The following IL12RB1 variants were observed in gnomAD, a reference collection of about 807,000 sequenced individuals.
IL12RB1 encodes interleukin-12 receptor subunit beta-1.
Under a neutral mutation model 94.4 loss-of-function variants are expected in IL12RB1, and 64 were observed. The ratio of observed to expected loss-of-function variants is 0.68; its 90% CI spans 0.55 to 0.83. The LOEUF (loss-of-function observed/expected upper bound fraction) is 0.83, where lower values mean the gene tolerates loss of function less well. Ranked by LOEUF, IL12RB1 falls within the 40% of genes least tolerant of loss-of-function variation. IL12RB1 has a pLI of 0.00. For synonymous variants in IL12RB1, 362 were observed against 355.5 expected (o/e 1.02, Z -0.21); for missense variants, 814 against 855.6 (o/e 0.95, Z 0.61).
chr19:18,062,395 G>A (rs1343893080), intron 13 of IL12RB1, 118 bp from the exon 14 acceptor site: 7 of 618,806 alleles, frequency 1.1e-5, no homozygotes, highest in East Asian at 2.8e-5. Flanking sequence ...ACATGCCACG[G>A]GCTTCTCACT....
rs1270850388 is a variant in IL12RB1, at chr19:18,066,598, C to T, written c.1427G>A (p.Gly476Asp). The change falls in exon 12 of 17, where the codon GGC (glycine) becomes GAC (aspartate). Residue 476 changes from glycine (G) to aspartate (D), a missense_variant. Gly to Asp is a moderately conservative substitution (Grantham distance 94, BLOSUM62 -1). Coordinates refer to ENST00000593993, the MANE Select transcript of IL12RB1 (RefSeq NM_005535.3). ...WAPSLLSTCPGVLKEYVVRCR... is the reference protein window; with the variant it reads ...WAPSLLSTCPDVLKEYVVRCR... The stretch of plus-strand genomic sequence containing the variant: ...GCGGACAACATACTCCTTTAGGACG[C>T]CGGGACAGGTGCTCAGCAGGGATGG... 1.2e-6 allele frequency: 2 copies of T among 1,613,622 alleles called. No homozygotes were observed. The highest frequency in any genetic ancestry group is 2.2e-5 in the East Asian group (1 of 44,878).
At position 18,075,766 on chromosome 19, in the gene IL12RB1, G is replaced by A; in HGVS notation, c.683C>T (p.Pro228Leu). 6.2e-7 allele frequency: 1 copy of A among 1,612,952 alleles called. No homozygotes were observed. Reference sequence around the variant, plus strand: ...GATCTTACCAGGGGGAACGCACACGGGGCTGCTCCACTTGCTCCAGGAACT... The same window carrying A: ...GATCTTACCAGGGGGAACGCACACGAGGCTGCTCCACTTGCTCCAGGAACT... ...QGSSWSKWSSPVCVPPENPPQ... is the reference protein window; with the variant it reads ...QGSSWSKWSSLVCVPPENPPQ... Residue 228 changes from proline to leucine, a missense_variant, in exon 7 of 17, where the codon CCC (proline) becomes CTC (leucine). Transcript: ENST00000593993.
intron 6 of IL12RB1, 119 bp from the exon 7 acceptor site, chr19:18,075,987 G>C: frequency 3.0e-6 from 3 of 998,586 alleles, no homozygotes; most frequent in Non-Finnish European, 4.8e-6. Context: ...GCTGGGTCCT[G>C]GGGGCTCAGC....
intron 1 of IL12RB1, chr19:18,097,744 A>G (rs1305725099): frequency 2.7e-6 from 3 of 1,122,380 alleles, no homozygotes; most frequent in Non-Finnish European, 3.3e-6. Context: ...GGGGCCTGGC[A>G]GGCCGGGGCG....
At chr19:18,082,303 C>T in intron 2 of IL12RB1, 39 bp from the exon 3 acceptor site, 1 of 1,215,514 alleles carries the variant, frequency 8.2e-7, no homozygotes, top group Non-Finnish European at 1.2e-6. Context: ...AGACCAGAGT[C>T]TGGAGGGGTC....
At chr19:18,081,912 G>A (rs972196719) in intron 3 of IL12RB1, among the ~76,000 whole-genome samples, 3 of 152,008 alleles carry the variant, frequency 2.0e-5, no homozygotes, top group African/African-American at 7.3e-5. Flanking sequence ...AAGTGAAAGG[G>A]TGAAGAAGAA....
At chr19:18,092,551 T>A (rs2036678128) in intron 1 of IL12RB1, among the ~76,000 whole-genome samples, 1 of 151,796 alleles carries the variant, frequency 6.6e-6, no homozygotes. Flanking sequence ...GCGCCTGTAA[T>A]CCTAGCTACT....
upstream of IL12RB1, among the ~76,000 whole-genome samples, chr19:18,088,565 T>TA (rs778266743): frequency 0.038 from 4,891 of 129,608 alleles, 162 homozygotes; most frequent in African/African-American, 0.095. Context: ...TCCTGTCTCT[T>TA]AAAAAAAAAA....
intron 7 of IL12RB1, among the ~76,000 whole-genome samples, chr19:18,075,268 T>TTA (rs1555784049): frequency 6.9e-6 from 1 of 145,198 alleles, no homozygotes; most frequent in Non-Finnish European, 1.5e-5. Context: ...TTTTTTTTTT[T>TTA]ACTTTTTTTT....
Position 18,059,523 on chromosome 19 carries a change from C to G in IL12RB1, c.*85G>C. 1.3e-6 allele frequency: 1 copy of G among 757,206 alleles called. No individual in the cohort carries two copies. Among genetic ancestry groups the G allele is most frequent in the South Asian group, 1.4e-5 (1 of 71,488 alleles). The allele number at this position is 757,206 out of a possible 1,614,324, so 46.9% of individuals were successfully genotyped here. A position where few individuals can be genotyped will look rare whatever the true frequency, so the allele number is the denominator to read the frequency against. On this transcript the variant is annotated 3_prime_UTR_variant, in exon 17 of 17. Transcript: ENST00000593993. ...GCAGGTGCACTGGAGCCTGGAGGAGCTCTGGGTTATTTGGGTCCAAATGTG... is the reference window on the plus strand; with the variant it reads ...GCAGGTGCACTGGAGCCTGGAGGAGGTCTGGGTTATTTGGGTCCAAATGTG...
At chr19:18,074,058 T>C (rs925968714) in intron 7 of IL12RB1, among the ~76,000 whole-genome samples, 2 of 152,188 alleles carry the variant, frequency 1.3e-5, no homozygotes, top group Non-Finnish European at 2.9e-5. Flanking sequence ...CTCCTGACCT[T>C]GTGATCCACT....
At chr19:18,094,800 C>G (rs999749504) in intron 1 of IL12RB1, among the ~76,000 whole-genome samples, 1 of 150,510 alleles carries the variant, frequency 6.6e-6, no homozygotes, top group Non-Finnish European at 1.5e-5. Flanking sequence ...TGTCCCAAAA[C>G]AAAACAAAAC....
intron 10 of IL12RB1, among the ~76,000 whole-genome samples, chr19:18,068,945 T>C (rs1036371326): frequency 4.6e-5 from 7 of 152,202 alleles, no homozygotes; most frequent in Non-Finnish European, 8.8e-5. Context: ...AGACAGGGTT[T>C]CTCCATGTTG....
In IL12RB1 at chr19:18,083,424, C is replaced by A; in HGVS notation, c.124+8G>T. 6.2e-7 allele frequency: 1 copy of A among 1,613,844 alleles called. No individual in the cohort carries two copies. Among genetic ancestry groups the A allele is most frequent in the Admixed American group, 1.7e-5 (1 of 60,016 alleles). On this transcript the variant is annotated splice_region_variant and intron_variant, in intron 2 of 16. Coordinates refer to ENST00000593993, the MANE Select transcript of IL12RB1 (RefSeq NM_005535.3). ...ATCCTCAGCCAACAATGAGGAACTG[C>A]CCCGAACCTGAGTCTGCATCCGGAT... is the stretch of plus-strand genomic sequence containing the variant.
intron 7 of IL12RB1, among the ~76,000 whole-genome samples, chr19:18,075,062 AC>A (rs751925503): frequency 3.5e-4 from 52 of 150,442 alleles, no homozygotes; most frequent in Admixed American, 1.7e-3. Context: ...AAAAAAAAAA[AC>A]AACAAAAAAC....
intron 8 of IL12RB1, among the ~76,000 whole-genome samples, chr19:18,073,189 T>A (rs749915731): frequency 1.3e-5 from 2 of 151,996 alleles, no homozygotes; most frequent in Non-Finnish European, 2.9e-5. Flanking sequence ...TTTTGGGACT[T>A]AAAGCAATAA....
At chr19:18,065,950 G>A (rs1479668970) in intron 12 of IL12RB1, among the ~76,000 whole-genome samples, 2 of 149,884 alleles carry the variant, frequency 1.3e-5, no homozygotes, top group South Asian at 4.2e-4. Flanking sequence ...GAGGTGGGAG[G>A]ATCGCTTGAG....
Position 18,060,058 on chromosome 19 carries a change from A to T in IL12RB1, c.1819T>A (p.Phe607Ile), listed in dbSNP as rs558449252. Residue 607 changes from phenylalanine (F) to isoleucine (I), a missense_variant, in exon 16 of 17, where the codon TTC becomes ATC. Phe to Ile is a conservative substitution (Grantham distance 21, BLOSUM62 0). Transcript: ENST00000593993. ...TCCTGCAGGGATGCCTCTTCCTGGA[A>T]GTCCACTGGGTTGATCCACTGCCAA... ...ETWQWINPVD[F>I]QEEASLQEAL... 1.2e-6 allele frequency: 2 copies of T among 1,605,932 alleles called. No homozygotes were observed. The highest frequency in any genetic ancestry group is 4.5e-5 in the East Asian group (2 of 44,830).
chr19:18,072,430 GAA>G lies in IL12RB1; in HGVS notation c.784-83_784-82del, dbSNP rs2035131574. 8 of 905,028 alleles carry G rather than the reference GAA, an allele frequency of 8.8e-6. No homozygotes were observed. In the South Asian group the frequency reaches 1.1e-4, roughly 12 times the overall value. 56.1% of individuals were successfully genotyped at this position (905,028 alleles called of 1,614,324 possible). A position where few individuals can be genotyped will look rare whatever the true frequency, so the allele number is the denominator to read the frequency against. The stretch of plus-strand genomic sequence containing the variant: ...AGGCAGACAGCAGGGCACAGCCTAT[GAA>G]GACAGACTTGGACAAAGGCCACAGC... On this transcript the variant is annotated intron_variant, in intron 8 of 16. Coordinates refer to ENST00000593993, the MANE Select transcript of IL12RB1 (RefSeq NM_005535.3).
Sources: gnomAD v4.1 joint callset for allele counts (sites outside exome capture counted in the v4.1 genomes callset) on GRCh38, gnomAD v4.1.1 for gene constraint, MANE v1.5 for transcripts, NCBI Gene and HGNC (gene_info 2026-07-23, HGNC 2026-07-21) for gene names.